Variants in CBLB observed in about 807,000 individuals in gnomAD.
The protein encoded by CBLB is E3 ubiquitin-protein ligase CBL-B.
Under a neutral mutation model 104.9 loss-of-function variants are expected in CBLB, and 31 were observed. The observed-to-expected ratio is 0.30, with a 90% CI of 0.22 to 0.40. The LOEUF is 0.40. Ranked by LOEUF, CBLB falls within the 10% of genes least tolerant of loss-of-function variation. The pLI, the probability that CBLB is intolerant of heterozygous loss-of-function variation, is 1.00. For missense variants in CBLB, 1,062 were observed against 1,214.6 expected (o/e 0.87, Z 1.87); for synonymous variants, 440 against 422.6 (o/e 1.04, Z -0.51).
intron 18 of CBLB, among the ~76,000 whole-genome samples, chr3:105,667,389 C>T (rs1013839729): frequency 2.6e-5 from 4 of 152,076 alleles, no homozygotes; most frequent in African/African-American, 9.7e-5. Flanking sequence ...TGTAAAACCT[C>T]ACACATAGAT....
Position 105,658,755 on chromosome 3 carries a change from T to C in CBLB, c.*215A>G. 3.4e-6 allele frequency: 2 copies of C among 582,306 alleles called. No individual in the cohort carries two copies. Among genetic ancestry groups the C allele is most frequent in the Non-Finnish European group, 6.1e-6 (2 of 329,452 alleles). 36.1% of individuals were successfully genotyped at this position (582,306 alleles called of 1,614,324 possible). ...ATTATTTTTGTCAGTTCAACCCTGATTTAAAAATATGGCTAGCAAAAACAA... is the reference window on the plus strand; with the variant it reads ...ATTATTTTTGTCAGTTCAACCCTGACTTAAAAATATGGCTAGCAAAAACAA... On this transcript the variant is annotated 3_prime_UTR_variant, in exon 19 of 19. Coordinates refer to ENST00000394030, the MANE Select transcript of CBLB (RefSeq NM_170662.5).
At chr3:105,676,118 A>G (rs777980272) in intron 17 of CBLB, among the ~76,000 whole-genome samples, 16 of 151,996 alleles carry the variant, frequency 1.1e-4, no homozygotes, top group Non-Finnish European at 2.1e-4. Flanking sequence ...CCTGACTCCC[A>G]TGCTAGCCTG....
chr3:105,838,010 A>G (rs560277216), intron 3 of CBLB, among the ~76,000 whole-genome samples: 2 of 152,152 alleles, frequency 1.3e-5, no homozygotes, highest in African/African-American at 4.8e-5. Context: ...TTTGCCAAGT[A>G]TAAAGCACTG....
At chr3:105,767,252 T>C (rs185106230) in intron 4 of CBLB, among the ~76,000 whole-genome samples, 15 of 152,240 alleles carry the variant, frequency 9.9e-5, no homozygotes, top group African/African-American at 3.6e-4. Context: ...TTTAATTTAA[T>C]ATAATTAGGT....
intron 12 of CBLB, among the ~76,000 whole-genome samples, chr3:105,700,528 G>C (rs1326938162): frequency 6.6e-6 from 1 of 151,570 alleles, no homozygotes; most frequent in African/African-American, 2.4e-5. Context: ...CTTCCAATCA[G>C]CATTCTAGGT....
chr3:105,800,645 C>CA (rs2082745049), intron 3 of CBLB, among the ~76,000 whole-genome samples: 1 of 152,084 alleles, frequency 6.6e-6, no homozygotes, highest in Non-Finnish European at 1.5e-5. Flanking sequence ...CCTAGAATTA[C>CA]ATAAAAATTT....
At chr3:105,805,848 C>T (rs931694776) in intron 3 of CBLB, among the ~76,000 whole-genome samples, 7 of 151,202 alleles carry the variant, frequency 4.6e-5, no homozygotes, top group Non-Finnish European at 1.0e-4. Flanking sequence ...CTTTTATTAC[C>T]TTGAATTATA....
In CBLB at chr3:105,800,324, T is replaced by A. The variant is rs73854884; in HGVS notation, c.420-23782A>T. 6.4e-3 allele frequency among the ~76,000 whole-genome samples: 978 copies of A among 152,282 alleles called. 12 individuals carry two copies. Among genetic ancestry groups the A allele is most frequent in the African/African-American group, 0.023 (937 of 41,558 alleles). On this transcript the variant is annotated intron_variant, in intron 3 of 18. Transcript: ENST00000394030. ...AGATGATTCCAATGTGAGCCAAGGC[T>A]GAAAACCACTGAGTAGGAGGATGCT...
At chr3:105,678,392 G>C (rs1163951551) in intron 17 of CBLB, 39 bp downstream of exon 17, 1 of 1,590,148 alleles carries the variant, frequency 6.3e-7, no homozygotes. Context: ...AAATATTTTT[G>C]CTTTAAGTGA....
chr3:105,691,749 T>C (rs1164852136), intron 13 of CBLB, among the ~76,000 whole-genome samples: 1 of 152,196 alleles, frequency 6.6e-6, no homozygotes, highest in Non-Finnish European at 1.5e-5. Flanking sequence ...GCTAAATATC[T>C]CGCAGTTCCA....
At chr3:105,791,115 T>G (rs2081584990) in intron 3 of CBLB, among the ~76,000 whole-genome samples, 1 of 152,236 alleles carries the variant, frequency 6.6e-6, no homozygotes. Flanking sequence ...GATTTCTCTG[T>G]TGTAAGATAA....
chr3:105,659,685 G>C (rs555307735), intron 18 of CBLB, among the ~76,000 whole-genome samples: 9 of 152,274 alleles, frequency 5.9e-5, no homozygotes, highest in Middle Eastern at 3.4e-3. Context: ...CTCACAAACA[G>C]CCATGGCAGA....
intron 14 of CBLB, among the ~76,000 whole-genome samples, chr3:105,684,535 A>C (rs1476090748): frequency 1.4e-5 from 2 of 146,384 alleles, no homozygotes; most frequent in Non-Finnish European, 3.0e-5. Context: ...GTAAGGAAAA[A>C]ACCCCCATTA....
At chr3:105,746,163 T>C (rs1468604172) in intron 5 of CBLB, 125 bp from the exon 6 acceptor site, 10 of 691,200 alleles carry the variant, frequency 1.4e-5, no homozygotes, top group Non-Finnish European at 2.4e-5. Context: ...TCTGACCTTA[T>C]GTGGTTTAGG....
chr3:105,734,673 T>C (rs1311112462), intron 8 of CBLB, among the ~76,000 whole-genome samples: 1 of 152,184 alleles, frequency 6.6e-6, no homozygotes, highest in African/African-American at 2.4e-5. Flanking sequence ...CTATTTCACT[T>C]CATCTCCAAA....
chr3:105,833,145 A>G lies in CBLB; in HGVS notation c.419+20269T>C, dbSNP rs74318258. On this transcript the variant is annotated intron_variant, in intron 3 of 18. Coordinates refer to ENST00000394030, the MANE Select transcript of CBLB (RefSeq NM_170662.5). Reference sequence around the variant, plus strand: ...AAAGGTAGATGATGAAGAAATATGAATGATAAACCCTTCATATGAGTAAAT... The same window carrying G: ...AAAGGTAGATGATGAAGAAATATGAGTGATAAACCCTTCATATGAGTAAAT... Among the ~76,000 whole-genome samples the G allele has an allele frequency of 1.1e-3, 175 of 152,306 alleles. 1 individual carries two copies. Among genetic ancestry groups the G allele is most frequent in the South Asian group, 9.1e-3 (44 of 4,828 alleles).
intron 3 of CBLB, among the ~76,000 whole-genome samples, chr3:105,780,653 G>GTTTTTTTTTTTTTTTTTTT (rs1245925965): frequency 2.4e-5 from 2 of 84,684 alleles, no homozygotes; most frequent in African/African-American, 3.9e-5. Flanking sequence ...TAAAAGTTTT[G>GTTTTTTTTTTTTTTTTTTT]TTTTTTGTTT....
rs551512454 is a variant in CBLB at position 105,722,701 on chromosome 3, A to G, written c.1204-2451T>C. Among the ~76,000 whole-genome samples the G allele has an allele frequency of 2.3e-4, 35 of 152,320 alleles. No homozygotes were observed. In the South Asian group the frequency reaches 7.0e-3, roughly 31 times the overall value. On this transcript the variant is annotated intron_variant, in intron 9 of 18. Transcript: ENST00000394030. ...CTTTGAACCTCCAGGGTCAACTTAC[A>G]TATTGCTCTGGTTAAGGATGACTTC...
chr3:105,793,347 AAG>A (rs1469580991), intron 3 of CBLB, among the ~76,000 whole-genome samples: 1 of 152,148 alleles, frequency 6.6e-6, no homozygotes, highest in Non-Finnish European at 1.5e-5. Context: ...GTAATAAGCC[AAG>A]GGTAAAATGA....
Sources: gnomAD v4.1 joint callset for allele counts (sites outside exome capture counted in the v4.1 genomes callset) on GRCh38, gnomAD v4.1.1 for gene constraint, MANE v1.5 for transcripts, NCBI Gene and HGNC (gene_info 2026-07-23, HGNC 2026-07-21) for gene names.